Variants in ZNF341 observed in about 807,000 individuals in gnomAD.
The protein encoded by ZNF341 is zinc finger protein 341.
A neutral mutation model predicts 87.7 loss-of-function variants in ZNF341; 52 were observed. The observed-to-expected ratio is 0.59, with a 90% CI of 0.47 to 0.75. The LOEUF is 0.75. Ranked by LOEUF, ZNF341 falls within the 30% of genes least tolerant of loss-of-function variation. The pLI, the probability that ZNF341 is intolerant of heterozygous loss-of-function variation, is 0.00. For missense variants in ZNF341, 977 were observed against 1,145.9 expected, an observed-to-expected ratio of 0.85 and a Z score of 2.13; for synonymous variants, 459 against 472.7, an observed-to-expected ratio of 0.97 and a Z score of 0.38.
In ZNF341 at chr20:33,732,300, G is replaced by A. The variant is rs2018585973; in HGVS notation, c.31+248G>A. Among the ~76,000 whole-genome samples, 1 of 151,036 alleles carries A rather than the reference G, an allele frequency of 6.6e-6. No homozygotes were observed. The highest frequency in any genetic ancestry group is 6.6e-5 in the Admixed American group (1 of 15,176). Reference sequence around the variant, plus strand: ...GGAGGGGGCTCGGGTCCGGAACAGCGCCAGCCTGGGCGGCCTTGGGCGGGC... The same window carrying A: ...GGAGGGGGCTCGGGTCCGGAACAGCACCAGCCTGGGCGGCCTTGGGCGGGC... On this transcript the variant is annotated intron_variant, in intron 1 of 14. Transcript: ENST00000375200. This position sits in a 1 kb window ranked among gnomAD's most constrained non-coding sequence, Gnocchi z 4.5.
At chr20:33,736,223 C>A (rs759601434) in intron 1 of ZNF341, among the ~76,000 whole-genome samples, 1 of 151,056 alleles carries the variant, frequency 6.6e-6, no homozygotes, top group Non-Finnish European at 1.5e-5. Flanking sequence ...TGGCCCTCCT[C>A]CCCCACTCTA....
intron 14 of ZNF341, 50 bp from the exon 15 acceptor site, chr20:33,790,938 T>G: frequency 6.4e-7 from 1 of 1,564,640 alleles, no homozygotes; most frequent in Non-Finnish European, 8.7e-7. Context: ...AGGGCACTGT[T>G]GCGGGGTGAA....
intron 1 of ZNF341, among the ~76,000 whole-genome samples, chr20:33,737,163 C>T (rs1168422927): frequency 2.0e-5 from 3 of 152,120 alleles, no homozygotes; most frequent in Non-Finnish European, 4.4e-5. Flanking sequence ...GCCTGCTGCC[C>T]AGATACAGCC....
intron 9 of ZNF341, among the ~76,000 whole-genome samples, chr20:33,768,957 A>T (rs1454954861): frequency 6.6e-6 from 1 of 152,202 alleles, no homozygotes; most frequent in Non-Finnish European, 1.5e-5. Flanking sequence ...AGCCTGTTCA[A>T]CAGAGGCCAT....
At chr20:33,747,642 A>C (rs796450789) in intron 3 of ZNF341, among the ~76,000 whole-genome samples, 10 of 146,210 alleles carry the variant, frequency 6.8e-5, no homozygotes, top group Admixed American at 4.7e-4. Context: ...AAAAAAAAAA[A>C]CACAGTCATT....
In ZNF341 at chr20:33,788,982, G is replaced by A. The variant is rs2019935854; in HGVS notation, c.1964+8G>A. 14 of 1,608,408 alleles carry A rather than the reference G, an allele frequency of 8.7e-6. No individual in the cohort carries two copies. The highest frequency in any genetic ancestry group is 1.1e-5 in the Non-Finnish European group (13 of 1,175,688). On this transcript the variant is annotated splice_region_variant and intron_variant, in intron 13 of 14. Coordinates refer to ENST00000375200, the MANE Select transcript of ZNF341 (RefSeq NM_001282933.2). ...ATACAAATGCCCTTTCTCGTGAGTA[G>A]AGACTGCCATGCAGGGGGGTGGGTA...
intron 12 of ZNF341, chr20:33,788,536 C>G (rs2122742750): frequency 2.6e-6 from 1 of 382,688 alleles, no homozygotes; most frequent in African/African-American, 2.1e-5. Flanking sequence ...GCCACACCAG[C>G]CTCCCTGTTG....
chr20:33,788,742 A>C (rs755751147), intron 12 of ZNF341, 121 bp from the exon 13 acceptor site: 19 of 757,702 alleles, frequency 2.5e-5, no homozygotes, highest in Admixed American at 2.4e-4. Flanking sequence ...GAGAGAGGCT[A>C]TTTTCTCCCC....
chr20:33,744,173 C>T (rs1039692056), intron 2 of ZNF341, among the ~76,000 whole-genome samples: 4 of 151,992 alleles, frequency 2.6e-5, no homozygotes, highest in African/African-American at 9.7e-5. Flanking sequence ...ATCCCAGCTA[C>T]TGGGGTGGCT....
chr20:33,748,787 GA>G (rs2018993055), intron 3 of ZNF341, 135 bp from the exon 4 acceptor site: 3 of 836,196 alleles, frequency 3.6e-6, no homozygotes, highest in Non-Finnish European at 5.5e-6. Flanking sequence ...TGGGATTCCA[GA>G]ACCTGGATCT....
intron 10 of ZNF341, among the ~76,000 whole-genome samples, chr20:33,775,899 T>C (rs1193099010): frequency 6.6e-6 from 1 of 151,614 alleles, no homozygotes; most frequent in Non-Finnish European, 1.5e-5. Context: ...AGGGTCTTGC[T>C]ATATTGCCCA....
chr20:33,748,215 G>A (rs2018974842), intron 3 of ZNF341, among the ~76,000 whole-genome samples: 1 of 151,912 alleles, frequency 6.6e-6, no homozygotes, highest in African/African-American at 2.4e-5. Context: ...GGGACTACAG[G>A]CGCGCACTAC....
Position 33,757,300 on chromosome 20 carries a change from G to T in ZNF341, c.894G>T (p.Thr298=), listed in dbSNP as rs751943052. The T allele has an allele frequency of 8.2e-6, 13 of 1,594,558 alleles. No homozygotes were observed. In the African/African-American group the frequency reaches 1.4e-4, roughly 17 times the overall value. ...TGGCCACCTTTGACTCTCCAGCAAC[G>T]CTGAAGACCCGACGAGCTAAAGGTG... is the stretch of plus-strand genomic sequence containing the variant. ...GTVATFDSPA[T]LKTRRAKGAR... The change falls in exon 6 of 15, where the codon ACG becomes ACT. Residue 298 remains threonine, a synonymous_variant. Transcript: ENST00000375200.
Position 33,791,511 on chromosome 20 carries a change from C to T in ZNF341, c.2559C>T (p.Ser853=), listed in dbSNP as rs141757592. ...CTGTGCCCGTCTACATCCAGGCCTC[C>T]GAGTGACGGACCTGAGGTGTCTGTT... ...MLAVPVYIQA[S]E Residue 853 remains serine, a synonymous_variant, in exon 15 of 15, where the codon TCC becomes TCT. Coordinates refer to ENST00000375200, the MANE Select transcript of ZNF341 (RefSeq NM_001282933.2). 1.9e-5 allele frequency: 30 copies of T among 1,554,172 alleles called. No individual in the cohort carries two copies. In the Admixed American group the frequency reaches 2.1e-4, roughly 11 times the overall value.
At position 33,770,084 on chromosome 20, in the gene ZNF341, G is replaced by A. The variant is rs370061938; in HGVS notation, c.1414G>A (p.Val472Met). 4.3e-6 allele frequency: 7 copies of A among 1,612,510 alleles called. No individual in the cohort carries two copies. The African/African-American group carries it at 8.0e-5, about 18-fold the overall frequency. The change falls in exon 10 of 15, where the codon GTG (valine) becomes ATG (methionine). Residue 472 changes from valine to methionine, a missense_variant and splice_region_variant. Transcript: ENST00000375200. The part of the protein sequence containing the change: ...SHMTQHKNEQ[V>M]YKCVVKSCAQ... ...CACCTGCCCAGCGTCTTCCCTCAAG[G>A]TGTACAAGTGTGTGGTCAAAAGCTG...
intron 5 of ZNF341, among the ~76,000 whole-genome samples, chr20:33,754,175 A>T (rs868842278): frequency 1.3e-5 from 2 of 152,120 alleles, no homozygotes; most frequent in Non-Finnish European, 2.9e-5. Flanking sequence ...AATAGATGCC[A>T]CCTCTTGATG....
chr20:33,732,061 C>T lies in ZNF341; in HGVS notation c.31+9C>T. ...CTTTGAGGCCCTGGAGGGTGAGCGG[C>T]GGCGGGGCCGGCGGAGGCGGCTGTT... is the stretch of plus-strand genomic sequence containing the variant. On this transcript the variant is annotated intron_variant, in intron 1 of 14. Coordinates refer to ENST00000375200, the MANE Select transcript of ZNF341 (RefSeq NM_001282933.2). The surrounding 1 kb of genome is among the most constrained non-coding windows in gnomAD (Gnocchi z 4.5). 1.6e-6 allele frequency: 2 copies of T among 1,270,102 alleles called. No individual in the cohort carries two copies. The highest frequency in any genetic ancestry group is 3.2e-5 in the East Asian group (1 of 31,548). The allele number at this position is 1,270,102 out of a possible 1,614,324, so 78.7% of individuals were successfully genotyped here. A position where few individuals can be genotyped will look rare whatever the true frequency, so the allele number is the denominator to read the frequency against.
intron 8 of ZNF341, among the ~76,000 whole-genome samples, chr20:33,762,336 TTA>T (rs746260059): frequency 9.2e-5 from 14 of 152,138 alleles, no homozygotes; most frequent in Admixed American, 3.9e-4. Flanking sequence ...TTTTTTTAAC[TTA>T]TGAGTTATTT....
chr20:33,783,700 A>G (rs534712584), intron 11 of ZNF341, 32 bp from the exon 12 acceptor site: 2 of 1,613,384 alleles, frequency 1.2e-6, no homozygotes, highest in African/African-American at 2.7e-5. Context: ...GGGCCCGGTG[A>G]GTCAGACCTG....
Sources: gnomAD v4.1 joint callset for allele counts (sites outside exome capture counted in the v4.1 genomes callset) on GRCh38, gnomAD v4.1.1 for gene constraint, Gnocchi (gnomAD v3.1) non-coding constraint, MANE v1.5 for transcripts, NCBI Gene and HGNC (gene_info 2026-07-23, HGNC 2026-07-21) for gene names.